The following HDAC6 variants were observed in gnomAD, a reference collection of about 807,000 sequenced individuals.
The protein encoded by HDAC6 is protein deacetylase HDAC6.
Under a neutral mutation model 88.9 loss-of-function variants are expected in HDAC6, and 5 were observed. That is an observed-to-expected ratio of 0.06 (90% CI 0.03 to 0.12). The LOEUF is 0.12. Ranked by LOEUF, HDAC6 falls within the 10% of genes least tolerant of loss-of-function variation. The pLI is 1.00. For missense variants in HDAC6, 706 were observed against 1,014.4 expected (o/e 0.70, Z 4.13); for synonymous variants, 378 against 398.0 (o/e 0.95, Z 0.60).
rs919454167 is a variant in HDAC6 at position 48,802,340 on chromosome X, G to A, written c.-31+198G>A. ...GGAATGGGGCTTAGGAGAGTAGAAG[G>A]GGCGGTGATTGGTTGGAAAGGGCAG... On this transcript the variant is annotated intron_variant, in intron 1 of 28. Transcript: ENST00000334136. 6.8e-6 allele frequency: 6 copies of A among 886,700 alleles called. No homozygotes were observed. The Admixed American group carries it at 3.0e-4, about 45-fold the overall frequency. 73.1% of individuals were successfully genotyped at this position (886,700 alleles called of 1,213,427 possible). A position where few individuals can be genotyped will look rare whatever the true frequency, so the allele number is the denominator to read the frequency against.
chrX:48,815,099 A>G (rs1380688715), intron 14 of HDAC6, 48 bp downstream of exon 14: 16 of 1,030,859 alleles, frequency 1.6e-5, no homozygotes, highest in Non-Finnish European at 2.0e-5. Flanking sequence ...TGGAGGGCTT[A>G]AGAACGAAGC....
At position 48,822,984 on chromosome X, in the gene HDAC6, G is replaced by C; in HGVS notation, c.2585G>C (p.Arg862Thr). 8.3e-7 allele frequency: 1 copy of C among 1,210,625 alleles called. No homozygotes were observed. Among genetic ancestry groups the C allele is most frequent in the Non-Finnish European group, 1.1e-6 (1 of 894,872 alleles). The part of the protein sequence containing the change: ...TKKAPQPAKP[R>T]LAERMTTREK... Reference sequence around the variant, plus strand: ...AAGGCACCCCAACCAGCCAAACCTAGGTTAGCTGAGCGGATGACCACACGA... The same window carrying C: ...AAGGCACCCCAACCAGCCAAACCTACGTTAGCTGAGCGGATGACCACACGA... The change falls in exon 25 of 29, where the codon AGG becomes ACG. Residue 862 changes from arginine to threonine, a missense_variant. This residue lies in a region of HDAC6 where 89 missense variants were observed against 90.9 expected (regional missense o/e 0.98). Transcript: ENST00000334136.
intron 20 of HDAC6, chrX:48,817,770 G>T: frequency 2.4e-6 from 1 of 423,057 alleles, no homozygotes. Context: ...TACTCCAGAA[G>T]ACCCACGAAC....
intron 4 of HDAC6, among the ~76,000 whole-genome samples, chrX:48,803,800 A>G (rs1035189611): frequency 1.8e-5 from 2 of 111,406 alleles, no homozygotes; most frequent in African/African-American, 6.5e-5. Context: ...CCTACTTCCA[A>G]CCTCACCTCT....
chrX:48,818,273 G>T lies in HDAC6; in HGVS notation c.2048G>T (p.Gly683Val). 8.3e-7 allele frequency: 1 copy of T among 1,200,405 alleles called. No individual in the cohort carries two copies. Among genetic ancestry groups the T allele is most frequent in the Non-Finnish European group, 1.1e-6 (1 of 889,467 alleles). ...GATCATGGCACCTTCTTCCCCATGG[G>T]GGATGAGGGTGCCAGCAGCCAGATC... ...RYDHGTFFPMGDEGASSQIGR... is the reference protein window; with the variant it reads ...RYDHGTFFPMVDEGASSQIGR... Residue 683 changes from glycine (G) to valine (V), a missense_variant, in exon 22 of 29, where the codon GGG becomes GTG. Physicochemically the swap from Gly to Val is moderately radical, Grantham distance 109 (BLOSUM62 -3). This residue lies in a region of HDAC6 where 138 missense variants were observed against 303.5 expected (regional missense o/e 0.45). Transcript: ENST00000334136.
At chrX:48,804,353 G>A (rs782282214) in intron 4 of HDAC6, among the ~76,000 whole-genome samples, 1 of 111,019 alleles carries the variant, frequency 9.0e-6, no homozygotes, top group East Asian at 2.8e-4. Context: ...GCACCCTCTT[G>A]CCTCTGGTCT....
Position 48,816,480 on chromosome X carries a change from T to C in HDAC6, c.1638T>C (p.Gly546=), listed in dbSNP as rs1557027697. ...LLTCHSAEYV[G]HLRATEKMKT... ...GTGCTTCCAGTGCTGAGTACGTGGG[T>C]CATCTCCGGGCCACAGAGAAAATGA... Residue 546 remains glycine (G), a synonymous_variant, in exon 19 of 29, where the codon GGT becomes GGC. Coordinates refer to ENST00000334136, the MANE Select transcript of HDAC6 (RefSeq NM_006044.4). The C allele has an allele frequency of 8.3e-7, 1 of 1,204,130 alleles. No homozygotes were observed. The highest frequency in any genetic ancestry group is 1.7e-5 in the African/African-American group (1 of 57,546).
chrX:48,824,329 C>T (rs1557031646), intron 28 of HDAC6, 35 bp downstream of exon 28: 1 of 1,191,357 alleles, frequency 8.4e-7, no homozygotes. Context: ...CACGTGCACA[C>T]TCACCCCCCA....
intron 20 of HDAC6, 162 bp from the exon 21 acceptor site, chrX:48,817,879 C>A: frequency 2.0e-6 from 1 of 498,958 alleles, no homozygotes. Context: ...TCAGGCCTAC[C>A]GGGCAGCCCT....
chrX:48,802,229 T>G, intron 1 of HDAC6, 87 bp downstream of exon 1: 1 of 850,851 alleles, frequency 1.2e-6, no homozygotes, highest in Non-Finnish European at 1.4e-6. Flanking sequence ...GCCGGCTGAG[T>G]GAAAGGGTGG....
intron 7 of HDAC6, 35 bp downstream of exon 7, chrX:48,806,499 G>A: frequency 9.2e-7 from 1 of 1,089,701 alleles, no homozygotes; most frequent in Non-Finnish European, 1.3e-6. Context: ...GGGAATGGTG[G>A]CAATCTTGGG....
At chrX:48,808,455 G>T in intron 10 of HDAC6, 129 bp downstream of exon 10, 1 of 477,523 alleles carries the variant, frequency 2.1e-6, no homozygotes. Flanking sequence ...ATCAGGATCT[G>T]TGCTACTTTT....
chrX:48,804,713 TAAAC>T (rs1402524590), intron 4 of HDAC6, among the ~76,000 whole-genome samples: 7 of 111,648 alleles, frequency 6.3e-5, no homozygotes, highest in Admixed American at 4.8e-4. Context: ...AGACAATAAA[TAAAC>T]AAAAAGTAAA....
At position 48,824,715 on chromosome X, in the gene HDAC6, C is replaced by T. The variant is rs1012149195; in HGVS notation, c.*103C>T. The stretch of plus-strand genomic sequence containing the variant: ...ATGAGGGGTAGCCTCCCACTGCATC[C>T]CATCCTGAATATCCTTTGCAACTCC... On this transcript the variant is annotated 3_prime_UTR_variant, in exon 29 of 29. Transcript: ENST00000334136. The T allele has an allele frequency of 6.1e-6, 7 of 1,145,867 alleles. No homozygotes were observed. Among genetic ancestry groups the T allele is most frequent in the Non-Finnish European group, 8.1e-6 (7 of 860,879 alleles). 94.4% of individuals were successfully genotyped at this position (1,145,867 alleles called of 1,213,427 possible).
Position 48,803,130 on chromosome X carries a change from T to C in HDAC6, c.225T>C (p.Asp75=). ...CTCCTTTTTTTTTTCCTCTGCAGGA[T>C]CTGAACCTTGAGGCTGAAGCACTGG... The part of the protein sequence containing the change: ...EDLIVGLQGM[D]LNLEAEALAG... Residue 75 remains aspartate (D), a splice_region_variant and synonymous_variant, in exon 4 of 29, where the codon GAT becomes GAC. Transcript: ENST00000334136. 8.3e-7 allele frequency: 1 copy of C among 1,208,819 alleles called. No homozygotes were observed. Among genetic ancestry groups the C allele is most frequent in the Non-Finnish European group, 1.1e-6 (1 of 893,716 alleles).
intron 27 of HDAC6, 34 bp downstream of exon 27, chrX:48,824,102 TG>T (rs1557031496): frequency 3.3e-6 from 4 of 1,203,358 alleles, no homozygotes; most frequent in Non-Finnish European, 4.5e-6. Context: ...GGGCGGAGGT[TG>T]GCCCGGGAGC....
intron 10 of HDAC6, among the ~76,000 whole-genome samples, chrX:48,812,594 C>T (rs1428011712): frequency 2.7e-5 from 3 of 112,020 alleles, no homozygotes; most frequent in African/African-American, 6.5e-5. Flanking sequence ...TCAAAGTCTA[C>T]TTTCTAGAAA....
intron 20 of HDAC6, 92 bp downstream of exon 20, chrX:48,817,551 A>G (rs996424032): frequency 1.6e-5 from 14 of 877,415 alleles, no homozygotes; most frequent in Middle Eastern, 8.6e-4. Flanking sequence ...CCCATGGTCC[A>G]GCTCCCAGGA....
Position 48,814,884 on chromosome X carries a change from G to A in HDAC6, c.1050G>A (p.Gly350=), listed in dbSNP as rs2062957885. 1 of 1,211,480 alleles carries A rather than the reference G, an allele frequency of 8.3e-7. No homozygotes were observed. Among genetic ancestry groups the A allele is most frequent in the Non-Finnish European group, 1.1e-6 (1 of 895,301 alleles). ...CTGCTGGATTTGATGCCCTGCAAGG[G>A]GACCCCAAGGTAAGGCAGGCTCCCT... is the stretch of plus-strand genomic sequence containing the variant. The part of the protein sequence containing the change: ...LVAAGFDALQ[G]DPKGEMAATP... The change falls in exon 13 of 29, where the codon GGG becomes GGA. Residue 350 remains glycine (G), a synonymous_variant. Transcript: ENST00000334136.
Sources: gnomAD v4.1 joint callset for allele counts (sites outside exome capture counted in the v4.1 genomes callset) on GRCh38, gnomAD v4.1.1 for gene constraint, gnomAD v4.1.1 regional missense constraint, MANE v1.5 for transcripts, NCBI Gene and HGNC (gene_info 2026-07-23, HGNC 2026-07-21) for gene names.